CNTN5: variants seen among roughly 807,000 people sequenced by gnomAD.
CNTN5 encodes contactin 5.
In CNTN5, 77 loss-of-function variants were observed where a neutral mutation model predicts 129.1. The ratio of observed to expected loss-of-function variants is 0.60; its 90% CI spans 0.50 to 0.72. The LOEUF (loss-of-function observed/expected upper bound fraction) is 0.72, where lower values mean the gene tolerates loss of function less well. Among genes scored for constraint, CNTN5 ranks in the 30% least tolerant of loss-of-function variants. The pLI is 0.00. For missense variants in CNTN5, 1,478 were observed against 1,328.8 expected, an observed-to-expected ratio of 1.11 and a Z score of -1.75; for synonymous variants, 509 against 465.6, an observed-to-expected ratio of 1.09 and a Z score of -1.20.
chr11:99,890,949 A>G (rs1206254917), intron 6 of CNTN5, among the ~76,000 whole-genome samples: 2 of 152,110 alleles, frequency 1.3e-5, no homozygotes, highest in African/African-American at 4.8e-5. Flanking sequence ...AAATCAGACC[A>G]TTGCCAATTG....
chr11:99,224,252 A>C lies in CNTN5; in HGVS notation c.-209-101094A>C, dbSNP rs573791326. Among the ~76,000 whole-genome samples the C allele has an allele frequency of 5.4e-4, 82 of 152,264 alleles. No homozygotes were observed. The South Asian group carries it at 6.8e-3, about 13-fold the overall frequency. The stretch of plus-strand genomic sequence containing the variant: ...GAACTATATTTCTATTTTTCTTTTT[A>C]CGTATTTCGATGTTATACCAGCATT... On this transcript the variant is annotated intron_variant, in intron 1 of 24. Transcript: ENST00000524871.
chr11:100,102,691 G>A (rs369528255), intron 13 of CNTN5, among the ~76,000 whole-genome samples: 3 of 152,056 alleles, frequency 2.0e-5, no homozygotes, highest in Non-Finnish European at 4.4e-5. Flanking sequence ...TTTAGCAAAA[G>A]ACATTACTAA....
intron 2 of CNTN5, among the ~76,000 whole-genome samples, chr11:99,514,375 G>C (rs959695042): frequency 2.0e-5 from 3 of 152,014 alleles, no homozygotes; most frequent in African/African-American, 7.2e-5. Context: ...CAGCATCAGG[G>C]TTTGAGAGGA....
At chr11:100,207,279 T>C (rs1052887234) in intron 15 of CNTN5, among the ~76,000 whole-genome samples, 1 of 152,174 alleles carries the variant, frequency 6.6e-6, no homozygotes, top group African/African-American at 2.4e-5. Flanking sequence ...TTACAATTAA[T>C]GTTTAATTGA....
At chr11:99,355,320 T>C (rs1565515673) in intron 2 of CNTN5, among the ~76,000 whole-genome samples, 1 of 152,194 alleles carries the variant, frequency 6.6e-6, no homozygotes, top group Non-Finnish European at 1.5e-5. Context: ...TGTCCTCGAA[T>C]ACTAAACAAT....
At position 99,956,834 on chromosome 11, in the gene CNTN5, G is replaced by C. The variant is rs1950815102; in HGVS notation, c.702G>C (p.Glu234Asp). The C allele has an allele frequency of 6.2e-7, 1 of 1,613,766 alleles. No homozygotes were observed. The change falls in exon 8 of 25, where the codon GAG becomes GAC. Residue 234 changes from glutamate (E) to aspartate (D), a missense_variant. Coordinates refer to ENST00000524871, the MANE Select transcript of CNTN5 (RefSeq NM_014361.4). Reference protein sequence around the residue: ...PEIIYSWVFNEFPSFVAEDSR... With the variant: ...PEIIYSWVFNDFPSFVAEDSR... ...TCATCTATAGCTGGGTATTTAATGA[G>C]TTCCCTTCCTTTGTGGCGGAAGACA...
At chr11:99,561,250 G>A (rs529006734) in intron 3 of CNTN5, among the ~76,000 whole-genome samples, 155 of 152,176 alleles carry the variant, frequency 1.0e-3, no homozygotes, top group Non-Finnish European at 1.7e-3. Context: ...GGAGCCAACT[G>A]GGATAGTTCC....
intron 1 of CNTN5, among the ~76,000 whole-genome samples, chr11:99,250,000 A>G (rs1376580187): frequency 6.6e-6 from 1 of 151,944 alleles, no homozygotes; most frequent in Non-Finnish European, 1.5e-5. Flanking sequence ...ATTAATTTCT[A>G]TTCTGCTTTA....
intron 9 of CNTN5, among the ~76,000 whole-genome samples, chr11:100,018,690 G>A (rs1312518274): frequency 6.6e-6 from 1 of 151,918 alleles, no homozygotes; most frequent in Non-Finnish European, 1.5e-5. Flanking sequence ...AAATACTTAT[G>A]AGTGGAATGG....
intron 3 of CNTN5, among the ~76,000 whole-genome samples, chr11:99,792,538 GGTGTGTGTGT>G (rs111267307): frequency 1.6e-5 from 2 of 127,746 alleles, no homozygotes; most frequent in Non-Finnish European, 3.2e-5. Context: ...CCTGAAGAGG[GGTGTGTGTGT>G]GTGTGTGTGT....
chr11:100,267,609 G>A (rs1311773176), intron 17 of CNTN5, among the ~76,000 whole-genome samples: 1 of 152,026 alleles, frequency 6.6e-6, no homozygotes, highest in East Asian at 1.9e-4. Flanking sequence ...AGCAACTAGA[G>A]CAAAAGTATT....
intron 16 of CNTN5, among the ~76,000 whole-genome samples, chr11:100,249,035 T>A (rs1949907698): frequency 6.6e-6 from 1 of 152,206 alleles, no homozygotes; most frequent in Non-Finnish European, 1.5e-5. Context: ...AATTTTCCAC[T>A]TTCAAGTACT....
At chr11:100,039,721 G>C (rs1192872291) in intron 9 of CNTN5, among the ~76,000 whole-genome samples, 1 of 151,700 alleles carries the variant, frequency 6.6e-6, no homozygotes, top group East Asian at 1.9e-4. Flanking sequence ...CATTCATTTT[G>C]TCTTCCATCA....
chr11:99,742,517 A>G (rs937998572), intron 3 of CNTN5, among the ~76,000 whole-genome samples: 1 of 152,170 alleles, frequency 6.6e-6, no homozygotes, highest in Non-Finnish European at 1.5e-5. Flanking sequence ...GAGTTGTGGT[A>G]AGAAGGAGGA....
chr11:100,251,762 T>G (rs1468903569), intron 16 of CNTN5, among the ~76,000 whole-genome samples: 1 of 152,176 alleles, frequency 6.6e-6, no homozygotes, highest in Non-Finnish European at 1.5e-5. Flanking sequence ...ATTCTTTTTA[T>G]GGCTGAATAG....
intron 13 of CNTN5, among the ~76,000 whole-genome samples, chr11:100,157,734 T>C (rs1211071749): frequency 6.6e-6 from 1 of 151,818 alleles, no homozygotes; most frequent in Non-Finnish European, 1.5e-5. Context: ...AATAAAATAC[T>C]GACACCAATT....
intron 3 of CNTN5, among the ~76,000 whole-genome samples, chr11:99,718,721 T>G (rs1943068459): frequency 6.6e-6 from 1 of 152,136 alleles, no homozygotes; most frequent in African/African-American, 2.4e-5. Context: ...TTTTAGTCTC[T>G]ATTTACTGAC....
intron 2 of CNTN5, among the ~76,000 whole-genome samples, chr11:99,352,237 G>C (rs1334803485): frequency 6.7e-6 from 1 of 149,086 alleles, no homozygotes; most frequent in Non-Finnish European, 1.5e-5. Flanking sequence ...CCTGTGGAGT[G>C]ACCTCACAGC....
chr11:100,248,728 T>C (rs147867080), intron 16 of CNTN5, among the ~76,000 whole-genome samples: 2 of 152,272 alleles, frequency 1.3e-5, no homozygotes, highest in Admixed American at 6.5e-5. Context: ...GCCAGAAAAG[T>C]TGCTTGGCAC....
Sources: allele counts gnomAD v4.1 joint callset (sites outside exome capture counted in the v4.1 genomes callset), GRCh38; gene constraint gnomAD v4.1.1; transcripts MANE v1.5; gene names NCBI Gene and HGNC (gene_info 2026-07-23, HGNC 2026-07-21).